Variants in FHIT observed in about 807,000 individuals in gnomAD.
FHIT encodes the protein bis(5'-adenosyl)-triphosphatase.
Under a neutral mutation model 17.9 loss-of-function variants are expected in FHIT, and 19 were observed. The observed-to-expected ratio is 1.06, with a 90% CI of 0.74 to 1.56. The LOEUF is 1.56. Among genes scored for constraint, FHIT ranks in the 40% most tolerant of loss-of-function variants. The pLI, the probability that FHIT is intolerant of heterozygous loss-of-function variation, is 0.00. For synonymous variants in FHIT, 81 were observed against 69.7 expected, an observed-to-expected ratio of 1.16 and a Z score of -0.81; for missense variants, 248 against 189.2, an observed-to-expected ratio of 1.31 and a Z score of -1.82.
intron 4 of FHIT, among the ~76,000 whole-genome samples, chr3:60,797,025 T>C (rs782715370): frequency 1.3e-5 from 2 of 152,208 alleles, no homozygotes; most frequent in Non-Finnish European, 2.9e-5. Context: ...TTATTTGATA[T>C]ATTTTGAACC....
chr3:61,098,645 T>A (rs1169512673), intron 2 of FHIT, among the ~76,000 whole-genome samples: 2 of 152,202 alleles, frequency 1.3e-5, no homozygotes, highest in African/African-American at 4.8e-5. Context: ...ATTTTGTAGT[T>A]CCCCTTGTGG....
At chr3:60,401,430 A>G (rs1701652742) in intron 5 of FHIT, among the ~76,000 whole-genome samples, 1 of 152,162 alleles carries the variant, frequency 6.6e-6, no homozygotes, top group Non-Finnish European at 1.5e-5. Context: ...ATTATCTGCA[A>G]CAGAATGGAG....
intron 5 of FHIT, among the ~76,000 whole-genome samples, chr3:60,343,232 G>C (rs1335380289): frequency 6.6e-6 from 1 of 152,144 alleles, no homozygotes; most frequent in Non-Finnish European, 1.5e-5. Context: ...CTACTTTGTA[G>C]AATCTACTGA....
chr3:60,237,927 G>C (rs1223194406), intron 5 of FHIT, among the ~76,000 whole-genome samples: 2 of 152,012 alleles, frequency 1.3e-5, no homozygotes, highest in Non-Finnish European at 2.9e-5. Context: ...CCTGAGGTCA[G>C]GAGTATGAGA....
chr3:60,891,230 C>T (rs542683177), intron 3 of FHIT, among the ~76,000 whole-genome samples: 1 of 152,232 alleles, frequency 6.6e-6, no homozygotes, highest in African/African-American at 2.4e-5. Flanking sequence ...ATCATCCGTG[C>T]ACCCATCTTC....
At chr3:60,076,374 C>A (rs2736764) in intron 5 of FHIT, among the ~76,000 whole-genome samples, 10 of 151,946 alleles carry the variant, frequency 6.6e-5, no homozygotes, top group East Asian at 1.9e-4. Flanking sequence ...TCAGAAAAGC[C>A]TATTTCTCTT....
chr3:60,032,806 G>A (rs898454832), intron 5 of FHIT, among the ~76,000 whole-genome samples: 3 of 152,156 alleles, frequency 2.0e-5, no homozygotes, highest in South Asian at 4.1e-4. Context: ...GACACTAGCT[G>A]CATTTGAAAT....
intron 4 of FHIT, among the ~76,000 whole-genome samples, chr3:60,733,305 C>A (rs1048492106): frequency 5.3e-5 from 8 of 152,292 alleles, no homozygotes; most frequent in Non-Finnish European, 8.8e-5. Flanking sequence ...GTAAGAAAAC[C>A]TGCATTTTAT....
At chr3:60,602,162 C>T (rs1003589457) in intron 4 of FHIT, among the ~76,000 whole-genome samples, 1 of 152,136 alleles carries the variant, frequency 6.6e-6, no homozygotes, top group South Asian at 2.1e-4. Context: ...GAAGAAAGAA[C>T]TGAATCCATG....
chr3:60,709,358 AG>A (rs1195055471), intron 4 of FHIT, among the ~76,000 whole-genome samples: 1 of 152,182 alleles, frequency 6.6e-6, no homozygotes, highest in African/African-American at 2.4e-5. Flanking sequence ...TTAGGGTTGA[AG>A]TGTGCCAAGA....
At chr3:61,024,169 G>A (rs963415235) in intron 3 of FHIT, among the ~76,000 whole-genome samples, 6 of 151,918 alleles carry the variant, frequency 3.9e-5, no homozygotes, top group African/African-American at 1.5e-4. Context: ...ATATAACTTC[G>A]CATCTTTTCA....
chr3:60,581,379 T>C (rs528070851), intron 4 of FHIT, among the ~76,000 whole-genome samples: 1 of 152,150 alleles, frequency 6.6e-6, no homozygotes, highest in African/African-American at 2.4e-5. Flanking sequence ...CTCTATCATA[T>C]GCTGTCTTGA....
At chr3:61,201,235 G>A (rs566698174) in intron 1 of FHIT, among the ~76,000 whole-genome samples, 1 of 152,260 alleles carries the variant, frequency 6.6e-6, no homozygotes. Flanking sequence ...ACAAAACAGA[G>A]GAAGCCACAA....
At chr3:60,223,916 C>T (rs969818993) in intron 5 of FHIT, among the ~76,000 whole-genome samples, 9 of 152,092 alleles carry the variant, frequency 5.9e-5, no homozygotes, top group Admixed American at 2.0e-4. Flanking sequence ...ATTCTGTGCC[C>T]GTGCTGCGTC....
intron 3 of FHIT, among the ~76,000 whole-genome samples, chr3:60,969,067 G>A (rs370188680): frequency 6.6e-6 from 1 of 151,992 alleles, no homozygotes; most frequent in African/African-American, 2.4e-5. Context: ...TGGGGTCAAG[G>A]TTATGCTGGT....
At chr3:60,873,951 C>T (rs1704531444) in intron 3 of FHIT, among the ~76,000 whole-genome samples, 1 of 152,066 alleles carries the variant, frequency 6.6e-6, no homozygotes, top group South Asian at 2.1e-4. Flanking sequence ...TAAGCAAGTG[C>T]CTATAGTAAA....
In FHIT at chr3:60,238,447, C is replaced by CAAAAAAAA. The variant is rs374701930; in HGVS notation, c.104-224303_104-224296dup. Among the ~76,000 whole-genome samples the CAAAAAAAA allele has an allele frequency of 1.0e-4, 12 of 117,514 alleles. 1 individual carries two copies. Among genetic ancestry groups the CAAAAAAAA allele is most frequent in the Non-Finnish European group, 1.4e-4 (8 of 59,250 alleles). The allele number at this position is 117,514 out of a possible 152,430, so 77.1% of individuals were successfully genotyped here. On this transcript the variant is annotated intron_variant, in intron 5 of 9. Coordinates refer to ENST00000492590, the MANE Select transcript of FHIT (RefSeq NM_002012.4). ...ATACCACTCAACTAGCTGTACTAAGCAAAAAAAAAAAAAAAAAGTCACAGC... is the reference window on the plus strand; with the variant it reads ...ATACCACTCAACTAGCTGTACTAAGCAAAAAAAAAAAAAAAAAAAAAAAAAGTCACAGC...
At chr3:61,230,102 A>G (rs1039417048) in intron 1 of FHIT, among the ~76,000 whole-genome samples, 1 of 152,244 alleles carries the variant, frequency 6.6e-6, no homozygotes, top group Non-Finnish European at 1.5e-5. Flanking sequence ...ATCATGTCTT[A>G]GTATTTCCAA....
intron 3 of FHIT, among the ~76,000 whole-genome samples, chr3:60,880,305 A>C (rs1704899878): frequency 6.6e-6 from 1 of 152,224 alleles, no homozygotes; most frequent in Non-Finnish European, 1.5e-5. Flanking sequence ...GGAAGAAATA[A>C]AACGTTTCTC....
Sources: allele counts gnomAD v4.1 joint callset (sites outside exome capture counted in the v4.1 genomes callset), GRCh38; gene constraint gnomAD v4.1.1; transcripts MANE v1.5; gene names NCBI Gene and HGNC (gene_info 2026-07-23, HGNC 2026-07-21).